Variants in GALNTL6 observed in about 807,000 individuals in gnomAD.
GALNTL6 encodes polypeptide N-acetylgalactosaminyltransferase like 6, also known as polypeptide N-acetylgalactosaminyltransferase-like 6.
GALNTL6 carries 46 observed loss-of-function variants against 73.7 expected under a neutral mutation model. The observed-to-expected ratio is 0.62, with a 90% confidence interval of 0.49 to 0.80. GALNTL6 has a LOEUF of 0.80. GALNTL6 is among the 30% of genes least tolerant of loss of function. GALNTL6 has a pLI of 0.00. For synonymous variants in GALNTL6, 259 were observed against 263.7 expected (o/e 0.98, Z 0.17); for missense variants, 604 against 755.0 (o/e 0.80, Z 2.34).
At chr4:172,528,655 A>T (rs897440070) in intron 5 of GALNTL6, among the ~76,000 whole-genome samples, 5 of 151,372 alleles carry the variant, frequency 3.3e-5, no homozygotes, top group Admixed American at 3.3e-4. Context: ...TATATTTTTT[A>T]GTTAAATAAT....
At chr4:171,878,754 CTGGTGT>C (rs1335747464) in intron 2 of GALNTL6, among the ~76,000 whole-genome samples, 1 of 152,080 alleles carries the variant, frequency 6.6e-6, no homozygotes, top group Non-Finnish European at 1.5e-5. Context: ...ATTGTAATCC[CTGGTGT>C]TAGAAGTGGG....
chr4:171,904,790 G>T (rs1310628473), intron 2 of GALNTL6, among the ~76,000 whole-genome samples: 1 of 152,186 alleles, frequency 6.6e-6, no homozygotes, highest in Admixed American at 6.5e-5. Flanking sequence ...ACTAACAGCA[G>T]ATCTCTCAGC....
chr4:172,991,957 GA>G (rs1751562079), intron 10 of GALNTL6, among the ~76,000 whole-genome samples: 2 of 152,190 alleles, frequency 1.3e-5, no homozygotes, highest in African/African-American at 4.8e-5. Context: ...CTCACACACA[GA>G]ATTTCTCTTA....
At chr4:172,255,626 A>G (rs1406331837) in intron 3 of GALNTL6, among the ~76,000 whole-genome samples, 1 of 151,390 alleles carries the variant, frequency 6.6e-6, no homozygotes, top group Admixed American at 6.6e-5. Context: ...GCATATGTAT[A>G]TTCATATACA....
chr4:172,822,827 T>C (rs1158030589), intron 7 of GALNTL6, among the ~76,000 whole-genome samples: 2 of 152,214 alleles, frequency 1.3e-5, no homozygotes, highest in African/African-American at 2.4e-5. Flanking sequence ...ATCCACTTTG[T>C]TCTGCTTCCC....
chr4:171,910,799 AT>A (rs1363396416), intron 2 of GALNTL6, among the ~76,000 whole-genome samples: 1 of 152,098 alleles, frequency 6.6e-6, no homozygotes, highest in Non-Finnish European at 1.5e-5. Flanking sequence ...TGAGAATGAT[AT>A]TTTTTTCTTA....
rs749871455 is a variant in GALNTL6, at chr4:171,814,716, C to T, written c.136C>T (p.Gln46Ter). 2 of 1,613,660 alleles carry T rather than the reference C, an allele frequency of 1.2e-6. No individual in the cohort carries two copies. The highest frequency in any genetic ancestry group is 1.7e-6 in the Non-Finnish European group (2 of 1,179,982). ...LVKSAEPGEQQTFPLGLGDGQ... is the reference protein window; with the variant it reads ...LVKSAEPGEQ ...GAAGTCAGCGGAGCCCGGGGAGCAGCAGGTAAGTGCCACCCAGAGAAAGAT... is the reference window on the plus strand; with the variant it reads ...GAAGTCAGCGGAGCCCGGGGAGCAGTAGGTAAGTGCCACCCAGAGAAAGAT... Residue 46 changes from glutamine (Q) to a stop codon, truncating the protein, a stop_gained and splice_region_variant, in exon 2 of 13, where the codon CAG (glutamine) becomes TAG (stop). Transcript: ENST00000506823. LOFTEE classifies it high-confidence loss of function.
chr4:172,332,978 T>C (rs1201656166), intron 4 of GALNTL6, among the ~76,000 whole-genome samples: 4 of 152,194 alleles, frequency 2.6e-5, no homozygotes, highest in Admixed American at 2.6e-4. Flanking sequence ...ATTTATTGTC[T>C]TTTTAATAAT....
chr4:172,680,647 G>A (rs1290503239), intron 5 of GALNTL6, among the ~76,000 whole-genome samples: 1 of 152,062 alleles, frequency 6.6e-6, no homozygotes, highest in Non-Finnish European at 1.5e-5. Context: ...CTAGTTCTAT[G>A]ATCCTATTTT....
intron 10 of GALNTL6, among the ~76,000 whole-genome samples, chr4:172,961,533 T>C (rs948088358): frequency 2.6e-5 from 4 of 152,154 alleles, no homozygotes; most frequent in African/African-American, 9.7e-5. Flanking sequence ...CATCCCCACG[T>C]GATTACACAC....
intron 2 of GALNTL6, among the ~76,000 whole-genome samples, chr4:172,000,642 AG>A (rs1375536614): frequency 1.3e-5 from 2 of 152,162 alleles, no homozygotes; most frequent in Admixed American, 6.6e-5. Flanking sequence ...GGACACTGAC[AG>A]TTTCTGCTAT....
intron 5 of GALNTL6, among the ~76,000 whole-genome samples, chr4:172,381,751 T>G (rs960306038): frequency 2.7e-4 from 41 of 152,164 alleles, no homozygotes; most frequent in Non-Finnish European, 1.2e-4. Flanking sequence ...GATGTGTCAG[T>G]GATTATAAAG....
chr4:172,976,188 T>C (rs1417905906), intron 10 of GALNTL6, among the ~76,000 whole-genome samples: 1 of 152,202 alleles, frequency 6.6e-6, no homozygotes, highest in Admixed American at 6.5e-5. Flanking sequence ...AAAGAATTGC[T>C]ACTGAACCAG....
At chr4:172,521,054 A>T (rs770174187) in intron 5 of GALNTL6, among the ~76,000 whole-genome samples, 1 of 152,096 alleles carries the variant, frequency 6.6e-6, no homozygotes, top group Non-Finnish European at 1.5e-5. Context: ...ATTTGCAAGA[A>T]TGTATATTTT....
At chr4:171,819,919 A>G (rs1734638468) in intron 2 of GALNTL6, among the ~76,000 whole-genome samples, 1 of 152,144 alleles carries the variant, frequency 6.6e-6, no homozygotes. Context: ...TTACAAAATT[A>G]CTGTTATTAA....
At chr4:172,961,309 C>T (rs576721699) in intron 10 of GALNTL6, among the ~76,000 whole-genome samples, 93 of 148,308 alleles carry the variant, frequency 6.3e-4, no homozygotes, top group Middle Eastern at 3.7e-3. Flanking sequence ...GGGTGCTTGC[C>T]CCCCCAGGAA....
At chr4:172,639,498 A>T (rs554425351) in intron 5 of GALNTL6, among the ~76,000 whole-genome samples, 2 of 152,256 alleles carry the variant, frequency 1.3e-5, no homozygotes, top group Non-Finnish European at 2.9e-5. Flanking sequence ...AGATTTGCTG[A>T]TTAAAAAATA....
chr4:172,294,363 G>A (rs1192100820), intron 3 of GALNTL6, among the ~76,000 whole-genome samples: 3 of 152,010 alleles, frequency 2.0e-5, no homozygotes, highest in Non-Finnish European at 4.4e-5. Context: ...TTTCTTAGAT[G>A]TAGTTAAAAA....
chr4:172,336,186 A>G (rs1252491526), intron 4 of GALNTL6, among the ~76,000 whole-genome samples: 1 of 150,880 alleles, frequency 6.6e-6, no homozygotes, highest in Admixed American at 6.6e-5. Context: ...TTTATATCTT[A>G]ATTTATTTGT....
Sources: allele counts gnomAD v4.1 joint callset (sites outside exome capture counted in the v4.1 genomes callset), GRCh38; gene constraint gnomAD v4.1.1; transcripts MANE v1.5; gene names NCBI Gene and HGNC (gene_info 2026-07-23, HGNC 2026-07-21).